The following MAST4 variants were observed in gnomAD, a reference collection of about 807,000 sequenced individuals.
MAST4 encodes microtubule-associated serine/threonine-protein kinase 4.
MAST4 carries 89 observed loss-of-function variants against 162.7 expected under a neutral mutation model. The ratio of observed to expected loss-of-function variants is 0.55; its 90% CI spans 0.46 to 0.65. The LOEUF is 0.65. Among genes scored for constraint, MAST4 ranks in the 30% least tolerant of loss-of-function variants. MAST4 has a pLI of 0.00. For synonymous variants in MAST4, 1,479 were observed against 1,361.1 expected, an observed-to-expected ratio of 1.09 and a Z score of -1.91; for missense variants, 3,153 against 3,374.0, an observed-to-expected ratio of 0.93 and a Z score of 1.62.
At position 66,700,621 on chromosome 5, in the gene MAST4, T is replaced by A. The variant is rs1749703648; in HGVS notation, c.364-59088T>A. On this transcript the variant is annotated intron_variant, in intron 1 of 28. Coordinates refer to ENST00000403625, the MANE Select transcript of MAST4 (RefSeq NM_001164664.2). ...ATTGCTTGAACCCAGGAGGCAGAGGTTGCAGTGAGCCGAGATCATGCCATT... is the reference window on the plus strand; with the variant it reads ...ATTGCTTGAACCCAGGAGGCAGAGGATGCAGTGAGCCGAGATCATGCCATT... 2.6e-5 allele frequency among the ~76,000 whole-genome samples: 4 copies of A among 151,714 alleles called. No individual in the cohort carries two copies. The East Asian group carries it at 7.7e-4, about 29-fold the overall frequency.
intron 4 of MAST4, chr5:67,001,473 T>C (rs187494006): frequency 1.3e-5 from 2 of 152,180 alleles, no homozygotes; most frequent in East Asian, 3.9e-4. Context: ...AAATTTAAAG[T>C]ATATGTAGTT....
In MAST4 at chr5:67,165,874, T is replaced by C. The variant is rs1371026249; in HGVS notation, c.6695T>C (p.Leu2232Pro). The C allele has an allele frequency of 2.5e-6, 4 of 1,613,170 alleles. No homozygotes were observed. Among genetic ancestry groups the C allele is most frequent in the African/African-American group, 1.3e-5 (1 of 74,912 alleles). Residue 2232 changes from leucine (L) to proline (P), a missense_variant, in exon 29 of 29, where the codon CTC (leucine) becomes CCC (proline). This residue lies in a region of MAST4 where 1,644 missense variants were observed against 1,495.0 expected (regional missense o/e 1.10). Coordinates refer to ENST00000403625, the MANE Select transcript of MAST4 (RefSeq NM_001164664.2). ...TKGKEPATQSLGGSSREGKGH... is the reference protein window; with the variant it reads ...TKGKEPATQSPGGSSREGKGH... ...GGCAAAGAGCCTGCCACTCAGTCCC[T>C]CGGTGGCTCTAGCAGAGAGGGGAAG...
intron 4 of MAST4, among the ~76,000 whole-genome samples, chr5:66,942,178 A>T (rs112821622): frequency 6.4e-4 from 97 of 152,272 alleles, no homozygotes; most frequent in African/African-American, 1.9e-3. Flanking sequence ...TACATCTTCA[A>T]TTTGTTAAAA....
rs537425693 is a variant in MAST4 at position 67,068,468 on chromosome 5, C to G, written c.763+13976C>G. ...TAAGGCCGTCAGATCTTGTGAGACT[C>G]ACTCCCTATCACGAGAATAGCATGG... On this transcript the variant is annotated intron_variant, in intron 5 of 28. Transcript: ENST00000403625. 2.0e-5 allele frequency among the ~76,000 whole-genome samples: 3 copies of G among 152,272 alleles called. No homozygotes were observed. The East Asian group carries it at 5.8e-4, about 29-fold the overall frequency.
chr5:67,025,741 A>G (rs767143540), intron 4 of MAST4, among the ~76,000 whole-genome samples: 11 of 152,238 alleles, frequency 7.2e-5, no homozygotes, highest in Non-Finnish European at 1.3e-4. Context: ...GCATGTAGCT[A>G]GGAAAGCCCG....
rs1330203992 is a variant in MAST4 at position 67,160,470 on chromosome 5, G to A, written c.3663G>A (p.Val1221=). The A allele has an allele frequency of 2.5e-6, 4 of 1,611,044 alleles. No individual in the cohort carries two copies. Among genetic ancestry groups the A allele is most frequent in the Admixed American group, 1.7e-5 (1 of 59,496 alleles). ...IELLLKSGNK[V]SITTTPFENT... is the part of the protein sequence containing the mutation. ...CTTTTCTTTAGAGTGGGAATAAGGT[G>A]TCAATCACTACTACCCCATTTGAAA... The change falls in exon 27 of 29, where the codon GTG becomes GTA. Residue 1221 remains valine (V), a synonymous_variant. Coordinates refer to ENST00000403625, the MANE Select transcript of MAST4 (RefSeq NM_001164664.2).
intron 1 of MAST4, among the ~76,000 whole-genome samples, chr5:66,753,328 C>T (rs2149598468): frequency 6.6e-6 from 1 of 151,818 alleles, no homozygotes; most frequent in South Asian, 2.1e-4. Flanking sequence ...AATAGAGACA[C>T]AAAAAACCCT....
At chr5:66,713,476 T>C (rs545131493) in intron 1 of MAST4, among the ~76,000 whole-genome samples, 15 of 152,350 alleles carry the variant, frequency 9.8e-5, no homozygotes, top group Non-Finnish European at 1.6e-4. Flanking sequence ...ACCTGGCTTA[T>C]GTTGAGTATC....
intron 3 of MAST4, among the ~76,000 whole-genome samples, chr5:66,846,382 C>T (rs1049397752): frequency 1.3e-5 from 2 of 151,984 alleles, no homozygotes; most frequent in Admixed American, 6.6e-5. Flanking sequence ...TCTCCAATAG[C>T]CTTGAGGAGC....
At chr5:66,710,376 T>C (rs1436560521) in intron 1 of MAST4, among the ~76,000 whole-genome samples, 1 of 152,188 alleles carries the variant, frequency 6.6e-6, no homozygotes, top group South Asian at 2.1e-4. Flanking sequence ...ACTTGATAAG[T>C]GGACAAAAGA....
chr5:66,899,831 T>A, intron 3 of MAST4, 120 bp from the exon 4 acceptor site: 1 of 735,286 alleles, frequency 1.4e-6, no homozygotes, highest in Non-Finnish European at 2.1e-6. Flanking sequence ...ATGTTTTCAG[T>A]ATAAGAAATG....
At chr5:66,625,007 C>G in intron 1 of MAST4, among the ~76,000 whole-genome samples, 1 of 151,752 alleles carries the variant, frequency 6.6e-6, no homozygotes, top group Non-Finnish European at 1.5e-5. Flanking sequence ...AAAGCTTCGT[C>G]GTAGCAAAGG....
intron 1 of MAST4, among the ~76,000 whole-genome samples, chr5:66,747,070 G>A (rs1254010470): frequency 6.6e-6 from 1 of 150,430 alleles, no homozygotes; most frequent in Non-Finnish European, 1.5e-5. Flanking sequence ...AAATTGTATT[G>A]CTGGTGGTGG....
In MAST4 at chr5:67,004,827, C is replaced by T. The variant is rs537450167; in HGVS notation, c.675-49577C>T. On this transcript the variant is annotated intron_variant, in intron 4 of 28. Transcript: ENST00000403625. The stretch of plus-strand genomic sequence containing the variant: ...GGGACGGGTACTTCTCAGACATGCT[C>T]CAAGTTGTTCTTGAGATCACAGTTC... 2.2e-5 allele frequency: 13 copies of T among 596,086 alleles called. No individual in the cohort carries two copies. The Admixed American group carries it at 2.5e-4, about 12-fold the overall frequency. 36.9% of individuals were successfully genotyped at this position (596,086 alleles called of 1,614,324 possible). A position where few individuals can be genotyped will look rare whatever the true frequency, so the allele number is the denominator to read the frequency against.
chr5:66,991,742 A>G (rs1750085398), intron 4 of MAST4, among the ~76,000 whole-genome samples: 1 of 152,162 alleles, frequency 6.6e-6, no homozygotes, highest in Admixed American at 6.5e-5. Context: ...GAGAGAAAGG[A>G]CTCTGGCAGT....
intron 1 of MAST4, among the ~76,000 whole-genome samples, chr5:66,717,030 C>A (rs1233499873): frequency 6.6e-6 from 1 of 152,154 alleles, no homozygotes; most frequent in Non-Finnish European, 1.5e-5. Flanking sequence ...CTTCTGATCC[C>A]AGGCGATGAG....
At chr5:66,730,400 A>C (rs74845059) in intron 1 of MAST4, among the ~76,000 whole-genome samples, 1,765 of 152,240 alleles carry the variant, frequency 0.012, 32 homozygotes, top group African/African-American at 0.039. Context: ...TCTACTGTTC[A>C]GGATGGGATT....
At chr5:67,081,116 T>A (rs548488649) in intron 5 of MAST4, among the ~76,000 whole-genome samples, 29 of 142,610 alleles carry the variant, frequency 2.0e-4, no homozygotes, top group Admixed American at 1.5e-3. Flanking sequence ...TATTATATAT[T>A]TTTTTTTAAC....
At chr5:67,143,877 C>T (rs1388769708) in intron 21 of MAST4, among the ~76,000 whole-genome samples, 1 of 152,186 alleles carries the variant, frequency 6.6e-6, no homozygotes, top group African/African-American at 2.4e-5. Flanking sequence ...TTTCTGTAGC[C>T]ACTTTCCTGC....
Sources: allele counts gnomAD v4.1 joint callset (sites outside exome capture counted in the v4.1 genomes callset), GRCh38; gene constraint gnomAD v4.1.1; regional missense constraint gnomAD v4.1.1; transcripts MANE v1.5; gene names NCBI Gene and HGNC (gene_info 2026-07-23, HGNC 2026-07-21).